The following UST variants were observed in gnomAD, a reference collection of about 807,000 sequenced individuals.
UST encodes uronyl 2-sulfotransferase.
In UST, 21 loss-of-function variants were observed where a neutral mutation model predicts 45.6. The ratio of observed to expected loss-of-function variants is 0.46; its 90% CI spans 0.33 to 0.66. The LOEUF (loss-of-function observed/expected upper bound fraction) is 0.66. Ranked by LOEUF, UST falls within the 30% of genes least tolerant of loss-of-function variation. The pLI is 0.02. For synonymous variants in UST, 215 were observed against 200.6 expected (o/e 1.07, Z -0.61); for missense variants, 463 against 512.4 (o/e 0.90, Z 0.93).
In UST at chr6:148,901,200, G is replaced by A. The variant is rs117777631; in HGVS notation, c.291+14171G>A. ...CTCCAGTAGCTTCTCAAGAACAGGC[G>A]CATGGGACAGAAGTCATCTGAAATA... On this transcript the variant is annotated intron_variant, in intron 2 of 7. Coordinates refer to ENST00000367463, the MANE Select transcript of UST (RefSeq NM_005715.3). 1.1e-3 allele frequency among the ~76,000 whole-genome samples: 163 copies of A among 152,286 alleles called. 3 individuals are homozygous for A. The East Asian group carries it at 0.027, about 26-fold the overall frequency.
At position 149,046,583 on chromosome 6, in the gene UST, G is replaced by T. The variant is rs190727063; in HGVS notation, c.937+25102G>T. Among the ~76,000 whole-genome samples the T allele has an allele frequency of 9.8e-5, 15 of 152,292 alleles. No homozygotes were observed. In the East Asian group the frequency reaches 2.7e-3, roughly 27 times the overall value. On this transcript the variant is annotated intron_variant, in intron 7 of 7. Coordinates refer to ENST00000367463, the MANE Select transcript of UST (RefSeq NM_005715.3). Reference sequence around the variant, plus strand: ...AATTCTTACCAGCTGTTTAACTGTCGGCAATCTCCTTAACCTCTCTGAATG... The same window carrying T: ...AATTCTTACCAGCTGTTTAACTGTCTGCAATCTCCTTAACCTCTCTGAATG...
chr6:148,926,319 A>G (rs1342975349), intron 2 of UST, among the ~76,000 whole-genome samples: 1 of 152,350 alleles, frequency 6.6e-6, no homozygotes, highest in East Asian at 1.9e-4. Context: ...AAAAATGAAT[A>G]AAATTAGCAA....
intron 7 of UST, among the ~76,000 whole-genome samples, chr6:149,051,876 T>G (rs1776493029): frequency 6.6e-6 from 1 of 152,118 alleles, no homozygotes; most frequent in Non-Finnish European, 1.5e-5. Context: ...AGATAAAAAA[T>G]GAATAGAAAA....
chr6:148,788,000 A>G (rs1272146755), intron 1 of UST, among the ~76,000 whole-genome samples: 2 of 152,194 alleles, frequency 1.3e-5, no homozygotes, highest in African/African-American at 4.8e-5. Context: ...CATGCTGCTG[A>G]TAAAGATGTA....
intron 5 of UST, among the ~76,000 whole-genome samples, chr6:148,974,888 A>G (rs1350123157): frequency 2.6e-5 from 4 of 152,224 alleles, no homozygotes; most frequent in Admixed American, 2.0e-4. Flanking sequence ...CACTGGTTTG[A>G]CTTTTATAGT....
chr6:148,830,597 G>A (rs1777664777), intron 1 of UST, among the ~76,000 whole-genome samples: 1 of 152,140 alleles, frequency 6.6e-6, no homozygotes, highest in African/African-American at 2.4e-5. Flanking sequence ...CTAGTCCAGT[G>A]GTTTTTTGGA....
intron 1 of UST, among the ~76,000 whole-genome samples, chr6:148,822,860 G>T (rs1777492426): frequency 6.6e-6 from 1 of 152,184 alleles, no homozygotes; most frequent in East Asian, 1.9e-4. Context: ...CTGTGTGTGT[G>T]TAAAGAATAA....
intron 7 of UST, among the ~76,000 whole-genome samples, chr6:149,044,284 G>A (rs1776365894): frequency 6.6e-6 from 1 of 151,984 alleles, no homozygotes; most frequent in Non-Finnish European, 1.5e-5. Context: ...AGCAATATTA[G>A]CATATTCTTT....
Position 149,074,809 on chromosome 6 carries a change from C to T in UST, c.*693C>T, listed in dbSNP as rs1776868750. 6.6e-6 allele frequency: 1 copy of T among 152,050 alleles called. No individual in the cohort carries two copies. Among genetic ancestry groups the T allele is most frequent in the Non-Finnish European group, 1.5e-5 (1 of 68,062 alleles). 9.4% of individuals were successfully genotyped at this position (152,050 alleles called of 1,614,324 possible). On this transcript the variant is annotated 3_prime_UTR_variant, in exon 8 of 8. Coordinates refer to ENST00000367463, the MANE Select transcript of UST (RefSeq NM_005715.3). ...TCTACCCGCATGGGTAGAGTTCTGC[C>T]TCTGGTCCTTCTCAGGGGGCACTTT... is the stretch of plus-strand genomic sequence containing the variant.
At chr6:149,072,019 G>A (rs927954790) in intron 7 of UST, among the ~76,000 whole-genome samples, 10 of 152,054 alleles carry the variant, frequency 6.6e-5, no homozygotes, top group African/African-American at 2.2e-4. Flanking sequence ...TTACTGGGAT[G>A]GCTACAATTT....
At chr6:148,771,641 C>T (rs1776428508) in intron 1 of UST, among the ~76,000 whole-genome samples, 1 of 152,150 alleles carries the variant, frequency 6.6e-6, no homozygotes, top group Admixed American at 6.5e-5. Context: ...AATTTAAAGG[C>T]ATCTTTCTAG....
At chr6:148,896,392 C>T (rs1417948502) in intron 2 of UST, among the ~76,000 whole-genome samples, 5 of 152,164 alleles carry the variant, frequency 3.3e-5, no homozygotes, top group Admixed American at 6.5e-5. Flanking sequence ...TGTGCAGGGC[C>T]GCCCTGCCTA....
At chr6:148,916,821 C>T (rs955659568) in intron 2 of UST, among the ~76,000 whole-genome samples, 1 of 152,040 alleles carries the variant, frequency 6.6e-6, no homozygotes, top group Admixed American at 6.6e-5. Context: ...CTGTAACTTG[C>T]GCTGAGATGC....
chr6:148,952,636 C>T (rs2170534), intron 3 of UST, among the ~76,000 whole-genome samples: 86,037 of 152,044 alleles, frequency 0.57, 24,612 homozygotes, highest in South Asian at 0.65. Context: ...CAGACTTGGG[C>T]TTTCTGTCAT....
intron 1 of UST, among the ~76,000 whole-genome samples, chr6:148,798,350 G>C (rs1193440759): frequency 6.6e-6 from 1 of 152,090 alleles, no homozygotes; most frequent in Non-Finnish European, 1.5e-5. Flanking sequence ...ATGAAGAGGA[G>C]TGGGCTTAGT....
At chr6:148,850,961 C>T (rs1778092280) in intron 1 of UST, among the ~76,000 whole-genome samples, 1 of 152,184 alleles carries the variant, frequency 6.6e-6, no homozygotes, top group Non-Finnish European at 1.5e-5. Context: ...ATCAGAACCC[C>T]TAGGCTCTGC....
intron 1 of UST, among the ~76,000 whole-genome samples, chr6:148,840,744 C>T (rs1054276001): frequency 2.6e-5 from 4 of 152,214 alleles, no homozygotes; most frequent in Non-Finnish European, 5.9e-5. Context: ...TAAGTGGGCC[C>T]GCCCAGTTTG....
At chr6:148,885,424 A>G (rs966926100) in intron 1 of UST, among the ~76,000 whole-genome samples, 1 of 152,310 alleles carries the variant, frequency 6.6e-6, no homozygotes, top group Non-Finnish European at 1.5e-5. Flanking sequence ...ACTAAATCCA[A>G]CATAGATCTT....
At chr6:148,936,477 T>C (rs1226256129) in intron 2 of UST, among the ~76,000 whole-genome samples, 1 of 151,994 alleles carries the variant, frequency 6.6e-6, no homozygotes, top group Non-Finnish European at 1.5e-5. Context: ...AAGACAGTTA[T>C]GCTGTTTCAT....
Sources: gnomAD v4.1 joint callset for allele counts (sites outside exome capture counted in the v4.1 genomes callset) on GRCh38, gnomAD v4.1.1 for gene constraint, MANE v1.5 for transcripts, NCBI Gene and HGNC (gene_info 2026-07-23, HGNC 2026-07-21) for gene names.